The following VWA5A variants were observed in gnomAD, a reference collection of about 807,000 sequenced individuals.
VWA5A encodes von Willebrand factor A domain containing 5A.
Under a neutral mutation model 84.6 loss-of-function variants are expected in VWA5A, and 77 were observed. The ratio of observed to expected loss-of-function variants is 0.91; its 90% CI spans 0.76 to 1.10. VWA5A has a LOEUF of 1.10. VWA5A is among the 50% of genes least tolerant of loss of function. The pLI is 0.00. For missense variants in VWA5A, 973 were observed against 963.0 expected (o/e 1.01, Z -0.14); for synonymous variants, 334 against 350.1 (o/e 0.95, Z 0.51).
rs1458895299 is a variant in VWA5A at position 124,118,464 on chromosome 11, T to A, written c.469+53T>A. On this transcript the variant is annotated intron_variant, in intron 5 of 18. Coordinates refer to ENST00000456829, the MANE Select transcript of VWA5A (RefSeq NM_001130142.2). The stretch of plus-strand genomic sequence containing the variant: ...GTGGTGGGTGACATAAATGGGGAAA[T>A]TTTCTTAAGGTTGAGAGTGTCATAA... 2.5e-6 allele frequency: 4 copies of A among 1,610,654 alleles called. No homozygotes were observed. In the African/African-American group the frequency reaches 5.4e-5, roughly 22 times the overall value.
intron 11 of VWA5A, among the ~76,000 whole-genome samples, chr11:124,129,235 A>T (rs1020813708): frequency 1.3e-5 from 2 of 152,192 alleles, no homozygotes; most frequent in Admixed American, 6.5e-5. Context: ...CTGTTGAGAC[A>T]ATCATGTGGG....
chr11:124,140,255 G>A (rs1860700494), intron 15 of VWA5A, among the ~76,000 whole-genome samples: 1 of 152,042 alleles, frequency 6.6e-6, no homozygotes, highest in Non-Finnish European at 1.5e-5. Flanking sequence ...TACTTTTGTT[G>A]TTGTATCTGG....
chr11:124,140,644 T>A (rs1860708670), intron 15 of VWA5A, among the ~76,000 whole-genome samples: 1 of 152,084 alleles, frequency 6.6e-6, no homozygotes. Flanking sequence ...TTAATTTTCA[T>A]ATTATTTAGA....
rs768420590 is a variant in VWA5A, at chr11:124,123,725, C to T, written c.1085C>T (p.Ala362Val). 8 of 1,613,156 alleles carry T rather than the reference C, an allele frequency of 5.0e-6. No homozygotes were observed. The South Asian group carries it at 8.8e-5, about 18-fold the overall frequency. ...CTGGGGAGAGTGAAGCTTATGCAGG[C>T]CGACCTAGGGGGCACTGAAATCTTG... ...EALGRVKLMQ[A>V]DLGGTEILAP... Residue 362 changes from alanine to valine, a missense_variant, in exon 10 of 19, where the codon GCC (alanine) becomes GTC (valine). Physicochemically the swap from Ala to Val is moderately conservative, Grantham distance 64. Coordinates refer to ENST00000456829, the MANE Select transcript of VWA5A (RefSeq NM_001130142.2).
Position 124,136,156 on chromosome 11 carries a change from C to T in VWA5A, c.1387C>T (p.Gln463Ter), listed in dbSNP as rs1175064642. 6.2e-7 allele frequency: 1 copy of T among 1,614,170 alleles called. No individual in the cohort carries two copies. The highest frequency in any genetic ancestry group is 1.3e-5 in the African/African-American group (1 of 75,054). The change falls in exon 13 of 19, where the codon CAG becomes TAG. Residue 463 changes from glutamine to a stop codon, truncating the protein, a stop_gained. Coordinates refer to ENST00000456829, the MANE Select transcript of VWA5A (RefSeq NM_001130142.2). LOFTEE classifies it high-confidence loss of function. ...TCTCAGGACTCTGAAACGCTCTCTGCAGCCTGTGGTAGAGGATGTCTCTCT... is the reference window on the plus strand; with the variant it reads ...TCTCAGGACTCTGAAACGCTCTCTGTAGCCTGTGGTAGAGGATGTCTCTCT... Reference protein sequence around the residue: ...KALRTLKRSLQPVVEDVSLSW... With the variant: ...KALRTLKRSL
At chr11:124,116,749 C>G (rs773124070) in intron 2 of VWA5A, 69 bp downstream of exon 2, 1 of 152,192 alleles carries the variant, frequency 6.6e-6, no homozygotes, top group East Asian at 1.9e-4. Flanking sequence ...GAATGAAAAG[C>G]CTGATTTATT....
chr11:124,134,604 GCTC>G (rs200235034), intron 11 of VWA5A, among the ~76,000 whole-genome samples: 2,528 of 152,290 alleles, frequency 0.017, 32 homozygotes, highest in Non-Finnish European at 0.029. Flanking sequence ...ACAGATCAGT[GCTC>G]CAGTGACATT....
intron 14 of VWA5A, 89 bp from the exon 15 acceptor site, chr11:124,136,926 T>G: frequency 1.3e-6 from 2 of 1,500,160 alleles, no homozygotes; most frequent in Non-Finnish European, 1.8e-6. Context: ...TTATCTTAAC[T>G]CTTCTATTCC....
In VWA5A at chr11:124,123,436, C is replaced by T; in HGVS notation, c.1001C>T (p.Ser334Phe). 2 of 1,613,950 alleles carry T rather than the reference C, an allele frequency of 1.2e-6. No individual in the cohort carries two copies. The highest frequency in any genetic ancestry group is 1.1e-5 in the South Asian group (1 of 91,034). The part of the protein sequence containing the change: ...CYFNIYGFGS[S>F]YEACFPESVK... Reference sequence around the variant, plus strand: ...TTCAACATCTATGGATTTGGCTCTTCCTATGAGGCATGCTTTCCGTAAGTT... The same window carrying T: ...TTCAACATCTATGGATTTGGCTCTTTCTATGAGGCATGCTTTCCGTAAGTT... The change falls in exon 9 of 19, where the codon TCC (serine) becomes TTC (phenylalanine). Residue 334 changes from serine (S) to phenylalanine (F), a missense_variant. Ser to Phe is a radical substitution (Grantham distance 155, BLOSUM62 -2). Transcript: ENST00000456829.
chr11:124,134,828 T>C (rs1865148947), intron 11 of VWA5A, 92 bp from the exon 12 acceptor site: 22 of 897,338 alleles, frequency 2.5e-5, no homozygotes, highest in Non-Finnish European at 3.4e-5. Flanking sequence ...GAAAGTAGAC[T>C]ATTTCCTTAT....
At chr11:124,143,084 C>A (rs1860760382) in intron 17 of VWA5A, among the ~76,000 whole-genome samples, 1 of 152,176 alleles carries the variant, frequency 6.6e-6, no homozygotes. Flanking sequence ...GAGTATCTGT[C>A]TTGAGAACCC....
At chr11:124,118,446 G>A (rs1309305234) in intron 5 of VWA5A, 35 bp downstream of exon 5, 5 of 1,611,674 alleles carry the variant, frequency 3.1e-6, no homozygotes, top group Non-Finnish European at 4.2e-6. Flanking sequence ...CTAGTGGTGG[G>A]TGACATAAAT....
chr11:124,129,395 G>A (rs999689424), intron 11 of VWA5A, among the ~76,000 whole-genome samples: 2 of 152,028 alleles, frequency 1.3e-5, no homozygotes, highest in Non-Finnish European at 2.9e-5. Context: ...ATTTTATTGA[G>A]GATTTTCACA....
At chr11:124,138,968 G>A (rs534041869) in intron 15 of VWA5A, among the ~76,000 whole-genome samples, 73 of 152,182 alleles carry the variant, frequency 4.8e-4, no homozygotes, top group African/African-American at 1.6e-3. Context: ...GAGAGATAAG[G>A]GTCTAATGTT....
chr11:124,145,472 T>C, intron 18 of VWA5A, 109 bp downstream of exon 18: 4 of 1,388,064 alleles, frequency 2.9e-6, no homozygotes, highest in Non-Finnish European at 3.8e-6. Flanking sequence ...CTTCAGATCT[T>C]TACTAATCTT....
At position 124,119,006 on chromosome 11, in the gene VWA5A, G is replaced by A. The variant is rs146492741; in HGVS notation, c.677G>A (p.Arg226Gln). 2.1e-5 allele frequency: 34 copies of A among 1,614,120 alleles called. No individual in the cohort carries two copies. Among genetic ancestry groups the A allele is most frequent in the East Asian group, 6.7e-5 (3 of 44,872 alleles). ...VSLAAGHKFD[R>Q]DVELLIYYNE... ...CTGGCTGCTGGACACAAGTTTGATC[G>A]GGACGTGGAACTCCTGATTTACTAC... Residue 226 changes from arginine (R) to glutamine (Q), a missense_variant, in exon 7 of 19, where the codon CGG becomes CAG. Arg to Gln is a conservative substitution (Grantham distance 43). Coordinates refer to ENST00000456829, the MANE Select transcript of VWA5A (RefSeq NM_001130142.2).
intron 11 of VWA5A, among the ~76,000 whole-genome samples, chr11:124,131,494 T>G (rs1865096919): frequency 1.3e-5 from 2 of 152,122 alleles, no homozygotes; most frequent in Admixed American, 1.3e-4. Flanking sequence ...AATCTCTCTG[T>G]AATATTTTAT....
chr11:124,144,228 GT>G lies in VWA5A; in HGVS notation c.2155-1005del, dbSNP rs140648243. Among the ~76,000 whole-genome samples the G allele has an allele frequency of 4.4e-3, 673 of 152,216 alleles. 12 individuals carry two copies. The highest frequency in any genetic ancestry group is 0.039 in the Admixed American group (589 of 15,276). On this transcript the variant is annotated intron_variant, in intron 17 of 18. Coordinates refer to ENST00000456829, the MANE Select transcript of VWA5A (RefSeq NM_001130142.2). ...ATAGTAGGAATAAAAGCTAAGTACT[GT>G]TTTGGGTTCCAAATTCCCAACTCTA...
chr11:124,141,647 C>T lies in VWA5A; in HGVS notation c.1929C>T (p.Pro643=). 2 of 1,614,068 alleles carry T rather than the reference C, an allele frequency of 1.2e-6. No homozygotes were observed. The highest frequency in any genetic ancestry group is 1.7e-6 in the Non-Finnish European group (2 of 1,180,024). Residue 643 remains proline (P), a synonymous_variant, in exon 16 of 19, where the codon CCC becomes CCT. Coordinates refer to ENST00000456829, the MANE Select transcript of VWA5A (RefSeq NM_001130142.2). ...ACCGTCCTCCTTCTGCATCTCAGCC[C>T]AGAGGGGAACTTATGTGTTATAAGG... The part of the protein sequence containing the change: ...HSDRPPSASQ[P]RGELMCYKAK...
Sources: gnomAD v4.1 joint callset for allele counts (sites outside exome capture counted in the v4.1 genomes callset) on GRCh38, gnomAD v4.1.1 for gene constraint, MANE v1.5 for transcripts, NCBI Gene and HGNC (gene_info 2026-07-23, HGNC 2026-07-21) for gene names.